Variants in RAB11FIP3 observed in about 807,000 individuals in gnomAD.
The protein encoded by RAB11FIP3 is RAB11 family interacting protein 3.
In RAB11FIP3, 17 loss-of-function variants were observed where a neutral mutation model predicts 77.8. That is an observed-to-expected ratio of 0.22 (90% CI 0.15 to 0.33). RAB11FIP3 has a LOEUF of 0.33. Ranked by LOEUF, RAB11FIP3 falls within the 10% of genes least tolerant of loss-of-function variation. The pLI is 1.00. For missense variants in RAB11FIP3, 1,005 were observed against 1,011.2 expected (o/e 0.99, Z 0.08); for synonymous variants, 437 against 448.2 (o/e 0.98, Z 0.31).
chr16:518,602 G>A (rs902787769), intron 9 of RAB11FIP3, among the ~76,000 whole-genome samples: 1 of 152,142 alleles, frequency 6.6e-6, no homozygotes, highest in Non-Finnish European at 1.5e-5. Context: ...GCAGGCGCCT[G>A]TAATCCCAGC....
At chr16:473,530 C>T (rs1001790463) in intron 3 of RAB11FIP3, among the ~76,000 whole-genome samples, 1 of 152,148 alleles carries the variant, frequency 6.6e-6, no homozygotes, top group Non-Finnish European at 1.5e-5. Flanking sequence ...TCGCCTCCTG[C>T]GCTCAAGTGT....
At chr16:484,613 G>A (rs12932591) in intron 4 of RAB11FIP3, among the ~76,000 whole-genome samples, 61,440 of 152,064 alleles carry the variant, frequency 0.4, 13,947 homozygotes, top group Middle Eastern at 0.54. Context: ...TCGGCCTCCC[G>A]AAGTGCTGGG....
chr16:429,852 G>A (rs2055008596), intron 1 of RAB11FIP3, among the ~76,000 whole-genome samples: 1 of 152,082 alleles, frequency 6.6e-6, no homozygotes, highest in Admixed American at 6.6e-5. Flanking sequence ...TATCTTCTAT[G>A]TAATCTGTTT....
intron 1 of RAB11FIP3, among the ~76,000 whole-genome samples, chr16:441,431 G>A (rs1391055600): frequency 1.3e-5 from 2 of 152,180 alleles, no homozygotes; most frequent in African/African-American, 4.8e-5. Context: ...CTCACGGGGG[G>A]TGAGTTTTCC....
chr16:465,616 C>T (rs920878433), intron 2 of RAB11FIP3, among the ~76,000 whole-genome samples: 1 of 152,094 alleles, frequency 6.6e-6, no homozygotes, highest in Non-Finnish European at 1.5e-5. Flanking sequence ...AGCACTGGCT[C>T]CTTTTTCTTT....
intron 9 of RAB11FIP3, among the ~76,000 whole-genome samples, chr16:511,250 C>T (rs1480642436): frequency 2.2e-5 from 3 of 133,722 alleles, no homozygotes; most frequent in Non-Finnish European, 4.7e-5. Context: ...GGAGAGGTTC[C>T]CGACAGCCTG....
intron 2 of RAB11FIP3, among the ~76,000 whole-genome samples, chr16:469,120 C>T (rs150161392): frequency 3.4e-4 from 52 of 152,186 alleles, no homozygotes; most frequent in African/African-American, 1.2e-3. Flanking sequence ...GGCTGGAGTG[C>T]AGTGGCGCGA....
chr16:469,064 T>TTAG (rs2055766024), intron 2 of RAB11FIP3, among the ~76,000 whole-genome samples: 1 of 151,470 alleles, frequency 6.6e-6, no homozygotes, highest in African/African-American at 2.4e-5. Flanking sequence ...TTTTAATTTA[T>TTAG]TATTATTATT....
At chr16:441,995 C>T (rs972044591) in intron 1 of RAB11FIP3, among the ~76,000 whole-genome samples, 6 of 152,278 alleles carry the variant, frequency 3.9e-5, no homozygotes, top group African/African-American at 1.2e-4. Context: ...CCCGCCACCA[C>T]GCCTGGCTAA....
At chr16:435,241 C>T (rs1310968010) in intron 1 of RAB11FIP3, among the ~76,000 whole-genome samples, 1 of 151,518 alleles carries the variant, frequency 6.6e-6, no homozygotes, top group Non-Finnish European at 1.5e-5. Context: ...TATTCTGGTT[C>T]CAGTTTAGGA....
At chr16:479,228 C>CA (rs1412291504) in intron 3 of RAB11FIP3, among the ~76,000 whole-genome samples, 2 of 151,894 alleles carry the variant, frequency 1.3e-5, no homozygotes, top group Non-Finnish European at 2.9e-5. Context: ...CCCATCTCTA[C>CA]AAAAAAATAC....
In RAB11FIP3 at chr16:506,701, T is replaced by C. The variant is rs551647508; in HGVS notation, c.1499+1074T>C. 6.6e-6 allele frequency among the ~76,000 whole-genome samples: 1 copy of C among 152,340 alleles called. No individual in the cohort carries two copies. The highest frequency in any genetic ancestry group is 2.1e-4 in the South Asian group (1 of 4,828). On this transcript the variant is annotated intron_variant, in intron 8 of 13. Coordinates refer to ENST00000262305, the MANE Select transcript of RAB11FIP3 (RefSeq NM_014700.4). The surrounding 1 kb of genome is among the most constrained non-coding windows in gnomAD (Gnocchi z 4.5). ...AGAATTGGAATGCCTCATGGGATTGTGGGCATAACTTGCACATCATTTTAA... is the reference window on the plus strand; with the variant it reads ...AGAATTGGAATGCCTCATGGGATTGCGGGCATAACTTGCACATCATTTTAA...
rs115453444 is a variant in RAB11FIP3, at chr16:472,209, T to G, written c.903+820T>G. On this transcript the variant is annotated intron_variant, in intron 3 of 13. Coordinates refer to ENST00000262305, the MANE Select transcript of RAB11FIP3 (RefSeq NM_014700.4). This position sits in a 1 kb window ranked among gnomAD's most constrained non-coding sequence, Gnocchi z 4.1. ...CGCCACTGTACCGTGGGAGCCATGGTATTATACTCAGTTCCCTGTTCCGAG... is the reference window on the plus strand; with the variant it reads ...CGCCACTGTACCGTGGGAGCCATGGGATTATACTCAGTTCCCTGTTCCGAG... Among the ~76,000 whole-genome samples, 927 of 152,320 alleles carry G rather than the reference T, an allele frequency of 6.1e-3. 10 individuals carry two copies. The highest frequency in any genetic ancestry group is 0.021 in the African/African-American group (882 of 41,576).
chr16:470,450 A>G (rs2055788481), intron 2 of RAB11FIP3, among the ~76,000 whole-genome samples: 1 of 152,238 alleles, frequency 6.6e-6, no homozygotes, highest in Non-Finnish European at 1.5e-5. Flanking sequence ...TCACTTTTAA[A>G]ATAAGTGATT....
chr16:486,568 C>T (rs1054408641), intron 4 of RAB11FIP3, among the ~76,000 whole-genome samples: 1 of 152,206 alleles, frequency 6.6e-6, no homozygotes, highest in African/African-American at 2.4e-5. Context: ...GATCTAACTG[C>T]TAGCTAGCGC....
At chr16:491,467 C>A (rs1240800977) in intron 5 of RAB11FIP3, among the ~76,000 whole-genome samples, 1 of 152,202 alleles carries the variant, frequency 6.6e-6, no homozygotes, top group African/African-American at 2.4e-5. Flanking sequence ...GCAGCCCAGG[C>A]CAGTGCTTGT....
chr16:450,941 C>T (rs1194736189), intron 1 of RAB11FIP3, among the ~76,000 whole-genome samples: 4 of 151,450 alleles, frequency 2.6e-5, no homozygotes, highest in East Asian at 2.0e-4. Context: ...GAAGGAGCCC[C>T]GCGGCCTTCT....
rs1175000971 is a variant in RAB11FIP3, at chr16:511,826, G to A, written c.1640+1026G>A. On this transcript the variant is annotated intron_variant, in intron 9 of 13. Coordinates refer to ENST00000262305, the MANE Select transcript of RAB11FIP3 (RefSeq NM_014700.4). ...AGAAACTGCAGGCCAGGTAGGAGAG[G>A]TTCCTGACGGCCCGCCAACCCCAGA... Among the ~76,000 whole-genome samples, 3 of 127,182 alleles carry A rather than the reference G, an allele frequency of 2.4e-5. No individual in the cohort carries two copies. In the East Asian group the frequency reaches 7.3e-4, roughly 31 times the overall value. The allele number at this position is 127,182 out of a possible 152,430, so 83.4% of individuals were successfully genotyped here. A position where few individuals can be genotyped will look rare whatever the true frequency, so the allele number is the denominator to read the frequency against.
Position 461,258 on chromosome 16 carries a change from G to C in RAB11FIP3, c.715-146G>C. 1.7e-6 allele frequency: 1 copy of C among 591,806 alleles called. No individual in the cohort carries two copies. Among genetic ancestry groups the C allele is most frequent in the Middle Eastern group, 3.0e-4 (1 of 3,320 alleles). 36.7% of individuals were successfully genotyped at this position (591,806 alleles called of 1,614,324 possible). A position where few individuals can be genotyped will look rare whatever the true frequency, so the allele number is the denominator to read the frequency against. On this transcript the variant is annotated intron_variant, in intron 1 of 13. Transcript: ENST00000262305. The surrounding 1 kb of genome is among the most constrained non-coding windows in gnomAD (Gnocchi z 4.5). Reference sequence around the variant, plus strand: ...CTCCTGCTGATCTGACAGGAGGGGAGCTCAGGCGGTAATGCTCCCTCACCT... The same window carrying C: ...CTCCTGCTGATCTGACAGGAGGGGACCTCAGGCGGTAATGCTCCCTCACCT...
Sources: gnomAD v4.1 joint callset for allele counts (sites outside exome capture counted in the v4.1 genomes callset) on GRCh38, gnomAD v4.1.1 for gene constraint, Gnocchi (gnomAD v3.1) non-coding constraint, MANE v1.5 for transcripts, NCBI Gene and HGNC (gene_info 2026-07-23, HGNC 2026-07-21) for gene names.